Variants in FHIT observed in about 807,000 individuals in gnomAD.
FHIT encodes the protein bis(5'-adenosyl)-triphosphatase.
Under a neutral mutation model 17.9 loss-of-function variants are expected in FHIT, and 19 were observed. That is an observed-to-expected ratio of 1.06 (90% confidence interval 0.74 to 1.56). The LOEUF is 1.56. FHIT is among the 40% of genes most tolerant of loss of function. The pLI is 0.00. For missense variants in FHIT, 248 were observed against 189.2 expected (o/e 1.31, Z -1.82); for synonymous variants, 81 against 69.7 (o/e 1.16, Z -0.81).
chr3:59,951,713 T>TC (rs140915283), intron 7 of FHIT, among the ~76,000 whole-genome samples: 13,077 of 150,064 alleles, frequency 0.087, 646 homozygotes, highest in Middle Eastern at 0.18. Context: ...CACACAGGCC[T>TC]CCCCACTGCT....
intron 5 of FHIT, among the ~76,000 whole-genome samples, chr3:60,390,545 G>A (rs1472091310): frequency 6.6e-6 from 1 of 151,864 alleles, no homozygotes; most frequent in Non-Finnish European, 1.5e-5. Context: ...TCCTTCAGGA[G>A]TTGCTCCAGA....
At chr3:59,805,424 G>C (rs200659659) in intron 8 of FHIT, among the ~76,000 whole-genome samples, 2 of 152,164 alleles carry the variant, frequency 1.3e-5, no homozygotes, top group Admixed American at 6.5e-5. Context: ...CTTTCTGACT[G>C]TTCGCTCCCT....
chr3:60,294,626 C>CA (rs1371984075), intron 5 of FHIT, among the ~76,000 whole-genome samples: 1 of 152,150 alleles, frequency 6.6e-6, no homozygotes, highest in Non-Finnish European at 1.5e-5. Context: ...CCATACAGAA[C>CA]ATTACCATTC....
chr3:60,334,769 G>A (rs1343771387), intron 5 of FHIT, among the ~76,000 whole-genome samples: 3 of 152,138 alleles, frequency 2.0e-5, no homozygotes, highest in Admixed American at 6.5e-5. Flanking sequence ...ACTGGGCGAC[G>A]CCTGGGCGAC....
intron 2 of FHIT, among the ~76,000 whole-genome samples, chr3:61,098,299 T>C (rs917239653): frequency 2.6e-5 from 4 of 152,180 alleles, no homozygotes; most frequent in African/African-American, 9.7e-5. Flanking sequence ...ATCTGTTCCA[T>C]TGGGCTATGT....
chr3:59,786,611 CA>C (rs1699310870), intron 8 of FHIT, among the ~76,000 whole-genome samples: 1 of 152,208 alleles, frequency 6.6e-6, no homozygotes, highest in Non-Finnish European at 1.5e-5. Flanking sequence ...AAATTGCCTG[CA>C]AATACAAATG....
At chr3:60,294,300 T>C (rs1049076468) in intron 5 of FHIT, among the ~76,000 whole-genome samples, 13 of 152,106 alleles carry the variant, frequency 8.5e-5, no homozygotes, top group African/African-American at 3.1e-4. Context: ...GATGGTGAAA[T>C]GCATTTGATG....
chr3:60,042,129 A>C (rs1296452164), intron 5 of FHIT, among the ~76,000 whole-genome samples: 1 of 152,204 alleles, frequency 6.6e-6, no homozygotes, highest in Non-Finnish European at 1.5e-5. Flanking sequence ...AGATGGCTGG[A>C]AGATAGCTCT....
chr3:61,132,543 A>C (rs1482146811), intron 2 of FHIT, among the ~76,000 whole-genome samples: 2 of 152,218 alleles, frequency 1.3e-5, no homozygotes, highest in Non-Finnish European at 2.9e-5. Flanking sequence ...GGATGCCGAT[A>C]AGGAGTGAGG....
chr3:60,245,929 A>G (rs1705374264), intron 5 of FHIT, among the ~76,000 whole-genome samples: 1 of 152,182 alleles, frequency 6.6e-6, no homozygotes, highest in Non-Finnish European at 1.5e-5. Context: ...TAAATGCAGA[A>G]TAAATTCATT....
At chr3:60,741,607 TC>T (rs1475274543) in intron 4 of FHIT, among the ~76,000 whole-genome samples, 2 of 152,184 alleles carry the variant, frequency 1.3e-5, no homozygotes, top group Non-Finnish European at 2.9e-5. Flanking sequence ...TTTGTAACAT[TC>T]CCCCCAGGCA....
intron 3 of FHIT, among the ~76,000 whole-genome samples, chr3:60,921,767 G>A (rs186495473): frequency 1.3e-5 from 2 of 152,174 alleles, no homozygotes; most frequent in African/African-American, 2.4e-5. Context: ...AGAGAATTCC[G>A]CTGCTGAAAC....
At chr3:60,668,190 T>C (rs544930441) in intron 4 of FHIT, among the ~76,000 whole-genome samples, 6 of 151,720 alleles carry the variant, frequency 4.0e-5, no homozygotes, top group African/African-American at 1.5e-4. Flanking sequence ...TAGTTCATTC[T>C]TTTTTTACGT....
chr3:60,750,621 A>T (rs1053340362), intron 4 of FHIT, among the ~76,000 whole-genome samples: 7 of 152,134 alleles, frequency 4.6e-5, no homozygotes, highest in African/African-American at 1.7e-4. Context: ...AGCCATGATC[A>T]TGAGGTCTCT....
At chr3:60,737,916 T>A (rs1264190983) in intron 4 of FHIT, among the ~76,000 whole-genome samples, 1 of 152,178 alleles carries the variant, frequency 6.6e-6, no homozygotes, top group African/African-American at 2.4e-5. Flanking sequence ...AGCATTGAAC[T>A]AATATTTGGG....
chr3:61,226,271 C>G (rs12497257), intron 1 of FHIT, among the ~76,000 whole-genome samples: 1 of 152,006 alleles, frequency 6.6e-6, no homozygotes, highest in East Asian at 1.9e-4. Flanking sequence ...CTTTTGATAA[C>G]GGGAAACACT....
At chr3:61,122,757 C>G (rs375766196) in intron 2 of FHIT, among the ~76,000 whole-genome samples, 1 of 152,234 alleles carries the variant, frequency 6.6e-6, no homozygotes, top group African/African-American at 2.4e-5. Context: ...AAAAAAACCT[C>G]ATCATCACTC....
At chr3:60,106,425 C>T (rs1286176936) in intron 5 of FHIT, among the ~76,000 whole-genome samples, 2 of 152,124 alleles carry the variant, frequency 1.3e-5, no homozygotes, top group Non-Finnish European at 2.9e-5. Flanking sequence ...CCTCAAACCG[C>T]AAAAGTTTCA....
intron 5 of FHIT, among the ~76,000 whole-genome samples, chr3:60,425,434 G>A (rs1161599002): frequency 1.3e-5 from 2 of 152,126 alleles, no homozygotes; most frequent in Non-Finnish European, 2.9e-5. Flanking sequence ...TCATTCAAAT[G>A]TGAAATCATT....
Sources: gnomAD v4.1 joint callset for allele counts (sites outside exome capture counted in the v4.1 genomes callset) on GRCh38, gnomAD v4.1.1 for gene constraint, MANE v1.5 for transcripts, NCBI Gene and HGNC (gene_info 2026-07-23, HGNC 2026-07-21) for gene names.